The following THRB variants were observed in gnomAD, a reference collection of about 807,000 sequenced individuals.
The protein encoded by THRB is nuclear receptor subfamily 1 group A member 2.
Under a neutral mutation model 47.8 loss-of-function variants are expected in THRB, and 12 were observed. That is an observed-to-expected ratio of 0.25 (90% confidence interval 0.16 to 0.41). THRB has a LOEUF of 0.41. THRB is among the 10% of genes least tolerant of loss of function. THRB has a pLI of 1.00. For synonymous variants in THRB, 218 were observed against 212.2 expected, an observed-to-expected ratio of 1.03 and a Z score of -0.24; for missense variants, 348 against 589.2, an observed-to-expected ratio of 0.59 and a Z score of 4.24.
chr3:24,336,980 A>C (rs58488754), intron 2 of THRB, among the ~76,000 whole-genome samples: 1 of 152,018 alleles, frequency 6.6e-6, no homozygotes, highest in African/African-American at 2.4e-5. Context: ...CCTTTTTAGC[A>C]CTCAAGGAAA....
At chr3:24,401,205 A>G (rs1454424887) in intron 1 of THRB, among the ~76,000 whole-genome samples, 1 of 152,084 alleles carries the variant, frequency 6.6e-6, no homozygotes, top group Admixed American at 6.6e-5. Flanking sequence ...GAGTAGTTAG[A>G]TTAAGCAATA....
At chr3:24,455,979 T>C (rs2073131777) in intron 1 of THRB, among the ~76,000 whole-genome samples, 2 of 152,170 alleles carry the variant, frequency 1.3e-5, no homozygotes, top group South Asian at 4.1e-4. Context: ...TATTATCTTC[T>C]CACATAATCC....
At chr3:24,385,530 C>G (rs187409469) in intron 1 of THRB, among the ~76,000 whole-genome samples, 11 of 152,186 alleles carry the variant, frequency 7.2e-5, no homozygotes, top group African/African-American at 2.6e-4. Flanking sequence ...TCCTTTTCCA[C>G]CCAGCATAAT....
chr3:24,277,324 C>A (rs140772536), intron 3 of THRB, among the ~76,000 whole-genome samples: 147 of 152,302 alleles, frequency 9.7e-4, no homozygotes, highest in African/African-American at 3.4e-3. Context: ...ACAGGACACT[C>A]TCTCACAGCA....
chr3:24,277,396 G>T (rs2054035407), intron 3 of THRB, among the ~76,000 whole-genome samples: 1 of 152,120 alleles, frequency 6.6e-6, no homozygotes, highest in Non-Finnish European at 1.5e-5. Context: ...TCAAAATACA[G>T]TGTACATCAG....
chr3:24,286,861 C>T (rs1029543098), intron 3 of THRB, among the ~76,000 whole-genome samples: 7 of 152,104 alleles, frequency 4.6e-5, no homozygotes, highest in African/African-American at 1.4e-4. Context: ...ATTTTCTCAC[C>T]GTTAGCCTGG....
At chr3:24,394,310 G>A (rs1295981916) in intron 1 of THRB, among the ~76,000 whole-genome samples, 1 of 152,070 alleles carries the variant, frequency 6.6e-6, no homozygotes, top group East Asian at 1.9e-4. Context: ...GAAGTACAGA[G>A]GCCATTTGTG....
chr3:24,353,973 T>A (rs2063514901), intron 1 of THRB, among the ~76,000 whole-genome samples: 1 of 152,290 alleles, frequency 6.6e-6, no homozygotes, highest in South Asian at 2.1e-4. Flanking sequence ...TAAATGCTTC[T>A]ATTAAGAATT....
chr3:24,169,835 C>A (rs1012240872), intron 5 of THRB, among the ~76,000 whole-genome samples: 2 of 151,418 alleles, frequency 1.3e-5, no homozygotes, highest in Non-Finnish European at 2.9e-5. Context: ...TGGAATACAG[C>A]TTTTATTTGT....
At chr3:24,303,088 A>C (rs1366550823) in intron 2 of THRB, among the ~76,000 whole-genome samples, 1 of 152,240 alleles carries the variant, frequency 6.6e-6, no homozygotes, top group Non-Finnish European at 1.5e-5. Context: ...TGCCAGTTAC[A>C]TCTTGGCCAA....
intron 8 of THRB, 93 bp from the exon 9 acceptor site, chr3:24,133,555 T>G (rs1231054746): frequency 8.7e-7 from 1 of 1,143,604 alleles, no homozygotes; most frequent in Non-Finnish European, 1.3e-6. Context: ...TCTTCTGAAC[T>G]GATATCCTGT....
At chr3:24,287,637 T>C (rs1438458265) in intron 3 of THRB, among the ~76,000 whole-genome samples, 2 of 152,204 alleles carry the variant, frequency 1.3e-5, no homozygotes, top group Non-Finnish European at 2.9e-5. Flanking sequence ...TTGTCCCAGC[T>C]TTCTGCAATT....
At chr3:24,466,696 T>C (rs535390500) in intron 1 of THRB, among the ~76,000 whole-genome samples, 2 of 152,226 alleles carry the variant, frequency 1.3e-5, no homozygotes, top group Admixed American at 1.3e-4. Context: ...TAGTGTAGTC[T>C]ATTAAGTGTG....
At chr3:24,313,647 G>A (rs1178601183) in intron 2 of THRB, among the ~76,000 whole-genome samples, 1 of 151,906 alleles carries the variant, frequency 6.6e-6, no homozygotes, top group African/African-American at 2.4e-5. Context: ...CCATTATTAA[G>A]TATTACCTTA....
At chr3:24,479,849 A>G (rs1025081273) in intron 1 of THRB, among the ~76,000 whole-genome samples, 1 of 152,140 alleles carries the variant, frequency 6.6e-6, no homozygotes, top group Non-Finnish European at 1.5e-5. Context: ...CAACACCTGC[A>G]TTCCTTTGCC....
chr3:24,467,734 T>A (rs2074264426), intron 1 of THRB, among the ~76,000 whole-genome samples: 1 of 152,216 alleles, frequency 6.6e-6, no homozygotes. Flanking sequence ...TAGGCTGTCA[T>A]CCAGGCTTTG....
At chr3:24,478,098 T>C (rs1190568479) in intron 1 of THRB, among the ~76,000 whole-genome samples, 1 of 152,120 alleles carries the variant, frequency 6.6e-6, no homozygotes, top group Admixed American at 6.6e-5. Context: ...ATTCAAAGCA[T>C]CATTTCATAA....
At chr3:24,162,841 T>A (rs1008841664) in intron 5 of THRB, among the ~76,000 whole-genome samples, 2 of 149,594 alleles carry the variant, frequency 1.3e-5, no homozygotes, top group Non-Finnish European at 3.0e-5. Context: ...AAGATTGTAA[T>A]TTTTTTTTAC....
chr3:24,406,612 CT>C (rs904890678), intron 1 of THRB, among the ~76,000 whole-genome samples: 4 of 67,562 alleles, frequency 5.9e-5, no homozygotes, highest in African/African-American at 1.8e-4. Flanking sequence ...TGCTTGTACT[CT>C]TAAAAAAAAA....
Sources: allele counts gnomAD v4.1 joint callset (sites outside exome capture counted in the v4.1 genomes callset), GRCh38; gene constraint gnomAD v4.1.1; transcripts MANE v1.5; gene names NCBI Gene and HGNC (gene_info 2026-07-23, HGNC 2026-07-21).